Variants in HS6ST3 observed in about 807,000 individuals in gnomAD.
The protein encoded by HS6ST3 is heparan-sulfate 6-O-sulfotransferase 3.
A neutral mutation model predicts 36.7 loss-of-function variants in HS6ST3; 12 were observed. That is an observed-to-expected ratio of 0.33 (90% CI 0.21 to 0.53). The LOEUF is 0.53. HS6ST3 is among the 20% of genes least tolerant of loss of function. The pLI is 0.95. For missense variants in HS6ST3, 584 were observed against 640.9 expected (o/e 0.91, Z 0.96); for synonymous variants, 240 against 257.5 (o/e 0.93, Z 0.65).
chr13:96,609,094 C>T lies in HS6ST3; in HGVS notation c.708-223396C>T, dbSNP rs752429611. 5.3e-5 allele frequency among the ~76,000 whole-genome samples: 8 copies of T among 152,062 alleles called. No homozygotes were observed. The South Asian group carries it at 1.5e-3, about 28-fold the overall frequency. On this transcript the variant is annotated intron_variant, in intron 1 of 1. Transcript: ENST00000376705. ...ATGCCATTCTCCTGCCTCAGCCTCC[C>T]GAGTAGCTGGGACTATAGGCGCCCG...
intron 1 of HS6ST3, among the ~76,000 whole-genome samples, chr13:96,801,269 T>G (rs1362261688): frequency 6.6e-6 from 1 of 152,138 alleles, no homozygotes; most frequent in Non-Finnish European, 1.5e-5. Context: ...TCCTTTCAGA[T>G]TCAAGGTTCC....
intron 1 of HS6ST3, among the ~76,000 whole-genome samples, chr13:96,823,070 C>G (rs1373370804): frequency 6.6e-6 from 1 of 152,216 alleles, no homozygotes; most frequent in Non-Finnish European, 1.5e-5. Flanking sequence ...CAGGAGGGAG[C>G]AGCACCTGTC....
rs796234757 is a variant in HS6ST3, at chr13:96,799,982, G to GTA, written c.708-32494_708-32493dup. On this transcript the variant is annotated intron_variant, in intron 1 of 1. Transcript: ENST00000376705. ...TATATATGTGTATATATATATATAT[G>GTA]TATATATATATATATGTATATATAT... Among the ~76,000 whole-genome samples, 406 of 82,536 alleles carry GTA rather than the reference G, an allele frequency of 4.9e-3. 15 individuals carry two copies. Among genetic ancestry groups the GTA allele is most frequent in the South Asian group, 0.011 (40 of 3,542 alleles). 54.1% of individuals were successfully genotyped at this position (82,536 alleles called of 152,430 possible).
chr13:96,740,930 G>A (rs1876421926), intron 1 of HS6ST3, among the ~76,000 whole-genome samples: 1 of 152,178 alleles, frequency 6.6e-6, no homozygotes, highest in Admixed American at 6.5e-5. Flanking sequence ...TTAAACAAGT[G>A]CCAGATAGCA....
At chr13:96,112,351 T>G (rs183456007) in intron 1 of HS6ST3, among the ~76,000 whole-genome samples, 2,414 of 151,956 alleles carry the variant, frequency 0.016, 41 homozygotes, top group South Asian at 0.038. Context: ...TGGGCATATT[T>G]ATGTTCCTTG....
intron 1 of HS6ST3, among the ~76,000 whole-genome samples, chr13:96,798,553 C>G (rs1295572086): frequency 1.3e-5 from 2 of 152,070 alleles, no homozygotes; most frequent in Non-Finnish European, 2.9e-5. Flanking sequence ...CACAACATCA[C>G]AGGGATCCTA....
At chr13:96,727,957 T>C (rs1486318035) in intron 1 of HS6ST3, among the ~76,000 whole-genome samples, 1 of 152,198 alleles carries the variant, frequency 6.6e-6, no homozygotes, top group Non-Finnish European at 1.5e-5. Flanking sequence ...GTTTAGGCAT[T>C]GTTTGATAAA....
chr13:96,585,458 A>G (rs1566404113), intron 1 of HS6ST3, among the ~76,000 whole-genome samples: 1 of 152,204 alleles, frequency 6.6e-6, no homozygotes, highest in Admixed American at 6.5e-5. Context: ...CCATTATCTT[A>G]CATAGCTATT....
chr13:96,811,721 A>C (rs1323272502), intron 1 of HS6ST3, among the ~76,000 whole-genome samples: 1 of 152,216 alleles, frequency 6.6e-6, no homozygotes, highest in Non-Finnish European at 1.5e-5. Flanking sequence ...CTACTATTGA[A>C]ATTTAGTCTT....
chr13:96,276,063 C>G (rs917580558), intron 1 of HS6ST3, among the ~76,000 whole-genome samples: 3 of 151,862 alleles, frequency 2.0e-5, no homozygotes, highest in Non-Finnish European at 4.4e-5. Context: ...CCATTCCCAT[C>G]ATGCCTTGCC....
rs75463140 is a variant in HS6ST3, at chr13:96,232,584, G to A, written c.707+141015G>A. Among the ~76,000 whole-genome samples, 361 of 152,274 alleles carry A rather than the reference G, an allele frequency of 2.4e-3. 2 individuals are homozygous for A. The highest frequency in any genetic ancestry group is 3.3e-3 in the Admixed American group (51 of 15,292). ...AAGAGCTCTGAGCATCCTGAGATAA[G>A]CTTGAAAAATCACAGATGGGAGTGT... On this transcript the variant is annotated intron_variant, in intron 1 of 1. Transcript: ENST00000376705.
intron 1 of HS6ST3, among the ~76,000 whole-genome samples, chr13:96,676,434 A>G (rs2056699075): frequency 6.6e-6 from 1 of 152,150 alleles, no homozygotes; most frequent in South Asian, 2.1e-4. Context: ...TGAAAACACC[A>G]TCATTGACAT....
At chr13:96,198,544 T>G (rs1246765658) in intron 1 of HS6ST3, among the ~76,000 whole-genome samples, 2 of 152,208 alleles carry the variant, frequency 1.3e-5, no homozygotes, top group African/African-American at 4.8e-5. Flanking sequence ...TACTTAGAAA[T>G]TTCTTCTGCC....
At chr13:96,503,556 A>T (rs1392108118) in intron 1 of HS6ST3, among the ~76,000 whole-genome samples, 2 of 152,128 alleles carry the variant, frequency 1.3e-5, no homozygotes, top group Non-Finnish European at 2.9e-5. Flanking sequence ...GGGATTTATT[A>T]CTGGAGGAAC....
chr13:96,574,741 G>T (rs761031311), intron 1 of HS6ST3, among the ~76,000 whole-genome samples: 2 of 152,140 alleles, frequency 1.3e-5, no homozygotes, highest in African/African-American at 2.4e-5. Flanking sequence ...CTGGTGGACT[G>T]GGGCTCCTCC....
At chr13:96,457,587 GGATTGGACAGTATT>G (rs1274433519) in intron 1 of HS6ST3, among the ~76,000 whole-genome samples, 1 of 152,058 alleles carries the variant, frequency 6.6e-6, no homozygotes, top group East Asian at 1.9e-4. Flanking sequence ...AAAAAAAATT[GGATTGGACAGTATT>G]GATTCCAAGC....
chr13:96,448,096 T>G (rs2055708027), intron 1 of HS6ST3, among the ~76,000 whole-genome samples: 1 of 152,212 alleles, frequency 6.6e-6, no homozygotes, highest in South Asian at 2.1e-4. Flanking sequence ...TTATTGCAGC[T>G]GATTGAAGCC....
chr13:96,190,586 G>T (rs1448952458), intron 1 of HS6ST3, among the ~76,000 whole-genome samples: 1 of 152,072 alleles, frequency 6.6e-6, no homozygotes, highest in Non-Finnish European at 1.5e-5. Flanking sequence ...TGCTGCTCAA[G>T]GTGTTGGAGA....
At chr13:96,667,762 A>G (rs113139594) in intron 1 of HS6ST3, among the ~76,000 whole-genome samples, 1 of 152,206 alleles carries the variant, frequency 6.6e-6, no homozygotes, top group African/African-American at 2.4e-5. Context: ...CAAGAATTAT[A>G]CATGGACTTG....
Sources: allele counts gnomAD v4.1 joint callset (sites outside exome capture counted in the v4.1 genomes callset), GRCh38; gene constraint gnomAD v4.1.1; transcripts MANE v1.5; gene names NCBI Gene and HGNC (gene_info 2026-07-23, HGNC 2026-07-21).